CACNA2D1: variants seen among roughly 807,000 people sequenced by gnomAD.
CACNA2D1 encodes calcium voltage-gated channel auxiliary subunit alpha2delta 1.
CACNA2D1 carries 53 observed loss-of-function variants against 171.5 expected under a neutral mutation model. That is an observed-to-expected ratio of 0.31 (90% CI 0.25 to 0.39). CACNA2D1 has a LOEUF of 0.39. Ranked by LOEUF, CACNA2D1 falls within the 10% of genes least tolerant of loss-of-function variation. The pLI, the probability that CACNA2D1 is intolerant of heterozygous loss-of-function variation, is 1.00. For missense variants in CACNA2D1, 903 were observed against 1,299.8 expected (o/e 0.69, Z 4.69); for synonymous variants, 442 against 443.1 (o/e 1.00, Z 0.03).
intron 4 of CACNA2D1, among the ~76,000 whole-genome samples, chr7:82,153,931 A>G (rs570706496): frequency 6.6e-6 from 1 of 152,318 alleles, no homozygotes; most frequent in African/African-American, 2.4e-5. Context: ...AGGAGGAAGA[A>G]AAAGATAACT....
intron 24 of CACNA2D1, among the ~76,000 whole-genome samples, chr7:81,981,305 T>G (rs1440659888): frequency 2.0e-5 from 3 of 152,052 alleles, no homozygotes; most frequent in Non-Finnish European, 4.4e-5. Context: ...AAAAACAGAA[T>G]AGTGTGTCAT....
intron 2 of CACNA2D1, among the ~76,000 whole-genome samples, chr7:82,339,230 C>T (rs1053726872): frequency 1.3e-5 from 2 of 152,142 alleles, no homozygotes; most frequent in African/African-American, 2.4e-5. Flanking sequence ...ATTAATTTTT[C>T]CCTCTCCTAG....
intron 1 of CACNA2D1, among the ~76,000 whole-genome samples, chr7:82,417,775 G>A (rs1186022213): frequency 6.6e-6 from 1 of 152,164 alleles, no homozygotes; most frequent in East Asian, 1.9e-4. Flanking sequence ...TAAAGGCAAA[G>A]ATCCTTCTGC....
chr7:82,155,129 A>G (rs1330335131), intron 4 of CACNA2D1, among the ~76,000 whole-genome samples: 1 of 152,058 alleles, frequency 6.6e-6, no homozygotes, highest in Admixed American at 6.6e-5. Flanking sequence ...CCGTGATAGT[A>G]ACTTTCCAGA....
At position 81,947,131 on chromosome 7, in the gene CACNA2D1, T is replaced by A. The variant is rs1252014419; in HGVS notation, c.*3261A>T. The A allele has an allele frequency of 1.3e-5, 2 of 151,944 alleles. No homozygotes were observed. The highest frequency in any genetic ancestry group is 3.9e-4 in the East Asian group (2 of 5,180). 9.4% of individuals were successfully genotyped at this position (151,944 alleles called of 1,614,324 possible). A position where few individuals can be genotyped will look rare whatever the true frequency, so the allele number is the denominator to read the frequency against. ...TTCAGAGTTTTAAATGAAGACAAAA[T>A]CTTAAGCTTTGTTGGTCACAGACAA... On this transcript the variant is annotated 3_prime_UTR_variant, in exon 39 of 39. Coordinates refer to ENST00000356860, the MANE Select transcript of CACNA2D1 (RefSeq NM_000722.4).
At chr7:82,294,408 C>T (rs1000398352) in intron 3 of CACNA2D1, among the ~76,000 whole-genome samples, 1 of 152,008 alleles carries the variant, frequency 6.6e-6, no homozygotes, top group African/African-American at 2.4e-5. Flanking sequence ...CGGTTATTCA[C>T]ACTTGCAATT....
At chr7:81,967,393 T>C (rs1366656417) in intron 30 of CACNA2D1, among the ~76,000 whole-genome samples, 186 bp from the exon 31 acceptor site, 1 of 151,514 alleles carries the variant, frequency 6.6e-6, no homozygotes, top group African/African-American at 2.4e-5. Flanking sequence ...TAAACTAGCA[T>C]TGCATGTTAT....
intron 3 of CACNA2D1, among the ~76,000 whole-genome samples, chr7:82,202,462 T>A (rs1039139578): frequency 6.6e-6 from 1 of 152,146 alleles, no homozygotes; most frequent in African/African-American, 2.4e-5. Flanking sequence ...GGCAGCTTAC[T>A]GCTCGGATGG....
chr7:82,441,339 A>T (rs1191668437), intron 1 of CACNA2D1, among the ~76,000 whole-genome samples: 3 of 152,052 alleles, frequency 2.0e-5, no homozygotes, highest in African/African-American at 4.8e-5. Flanking sequence ...TACCTACAGG[A>T]GATTGACTTC....
chr7:81,961,313 T>C (rs1794085460), intron 36 of CACNA2D1, among the ~76,000 whole-genome samples: 2 of 152,036 alleles, frequency 1.3e-5, no homozygotes, highest in South Asian at 4.1e-4. Flanking sequence ...TTAAAAGATA[T>C]TTTATGGATA....
intron 3 of CACNA2D1, among the ~76,000 whole-genome samples, chr7:82,236,509 C>G (rs953049481): frequency 6.6e-6 from 1 of 152,072 alleles, no homozygotes; most frequent in Non-Finnish European, 1.5e-5. Context: ...CAAAAGAGCA[C>G]ATTCCCTGTG....
intron 3 of CACNA2D1, among the ~76,000 whole-genome samples, chr7:82,223,959 T>G (rs1466485924): frequency 6.6e-6 from 1 of 152,148 alleles, no homozygotes; most frequent in Non-Finnish European, 1.5e-5. Context: ...CTCCTTGTGG[T>G]GCCTTAAACA....
At chr7:82,070,983 A>G (rs775302794) in intron 7 of CACNA2D1, among the ~76,000 whole-genome samples, 8 of 152,180 alleles carry the variant, frequency 5.3e-5, no homozygotes, top group Non-Finnish European at 1.2e-4. Flanking sequence ...ATTAAGAATT[A>G]TTTCTAGACT....
rs556424985 is a variant in CACNA2D1 at position 82,307,655 on chromosome 7, C to T, written c.294+27480G>A. 2.6e-5 allele frequency among the ~76,000 whole-genome samples: 4 copies of T among 152,102 alleles called. No individual in the cohort carries two copies. In the South Asian group the frequency reaches 6.2e-4, roughly 24 times the overall value. ...CAAGGAGGGCTATTGCTCTCCTGTTCATATCTATGTCCCTTTCTTCTTCTA... is the reference window on the plus strand; with the variant it reads ...CAAGGAGGGCTATTGCTCTCCTGTTTATATCTATGTCCCTTTCTTCTTCTA... On this transcript the variant is annotated intron_variant, in intron 3 of 38. Coordinates refer to ENST00000356860, the MANE Select transcript of CACNA2D1 (RefSeq NM_000722.4).
At chr7:82,221,997 G>C (rs1015582096) in intron 3 of CACNA2D1, among the ~76,000 whole-genome samples, 1 of 151,682 alleles carries the variant, frequency 6.6e-6, no homozygotes, top group Non-Finnish European at 1.5e-5. Flanking sequence ...AATACCAAAG[G>C]TTTTTACCAG....
chr7:82,349,521 C>T (rs575654457), intron 2 of CACNA2D1, 47 bp downstream of exon 2: 12 of 1,400,606 alleles, frequency 8.6e-6, no homozygotes, highest in African/African-American at 2.8e-5. Flanking sequence ...GAACTGCATT[C>T]GAATTAATGA....
intron 1 of CACNA2D1, among the ~76,000 whole-genome samples, chr7:82,428,355 A>AT (rs5885296): frequency 0.56 from 85,182 of 151,882 alleles, 24,300 homozygotes; most frequent in South Asian, 0.66. Context: ...GCCATGACAC[A>AT]AGCATAAAAA....
chr7:82,058,278 A>G (rs545445512), intron 10 of CACNA2D1, among the ~76,000 whole-genome samples: 5 of 152,288 alleles, frequency 3.3e-5, no homozygotes, highest in African/African-American at 1.2e-4. Context: ...CACTATTTAT[A>G]TTTGAATCTG....
intron 7 of CACNA2D1, among the ~76,000 whole-genome samples, chr7:82,082,000 G>A (rs538477705): frequency 4.6e-5 from 7 of 152,314 alleles, no homozygotes; most frequent in East Asian, 1.9e-4. Flanking sequence ...ATGCGGAAAC[G>A]TGGTGGCACC....
Sources: gnomAD v4.1 joint callset for allele counts (sites outside exome capture counted in the v4.1 genomes callset) on GRCh38, gnomAD v4.1.1 for gene constraint, MANE v1.5 for transcripts, NCBI Gene and HGNC (gene_info 2026-07-23, HGNC 2026-07-21) for gene names.